Variants in RBFOX1 observed in about 807,000 individuals in gnomAD.
RBFOX1 encodes the protein RNA binding fox-1 homolog 1.
RBFOX1 carries 8 observed loss-of-function variants against 57.7 expected under a neutral mutation model. The observed-to-expected ratio is 0.14, with a 90% CI of 0.08 to 0.25. The LOEUF is 0.25. Among genes scored for constraint, RBFOX1 ranks in the 10% least tolerant of loss-of-function variants. The pLI is 1.00. For missense variants in RBFOX1, 611 were observed against 548.5 expected (o/e 1.11, Z -1.14); for synonymous variants, 326 against 222.4 (o/e 1.47, Z -4.15).
intron 4 of RBFOX1, among the ~76,000 whole-genome samples, chr16:5,884,532 A>G (rs2057849189): frequency 7.0e-6 from 1 of 143,172 alleles, no homozygotes; most frequent in Admixed American, 7.5e-5. Flanking sequence ...CTTGTAGTTG[A>G]TAAGACCATG....
At chr16:7,694,279 T>G (rs1179654355) in intron 14 of RBFOX1, among the ~76,000 whole-genome samples, 1 of 152,218 alleles carries the variant, frequency 6.6e-6, no homozygotes, top group Non-Finnish European at 1.5e-5. Context: ...TACATTAAAC[T>G]GAACCTTACA....
intron 3 of RBFOX1, among the ~76,000 whole-genome samples, chr16:5,789,099 C>T (rs772187951): frequency 2.0e-5 from 3 of 152,194 alleles, no homozygotes; most frequent in African/African-American, 7.2e-5. Context: ...CCCTCTTCCT[C>T]TCTCTCACAC....
At chr16:5,686,115 A>G (rs1433607553) in intron 3 of RBFOX1, among the ~76,000 whole-genome samples, 1 of 152,166 alleles carries the variant, frequency 6.6e-6, no homozygotes, top group Non-Finnish European at 1.5e-5. Context: ...GAAGATGGAG[A>G]CTGGTATCTA....
chr16:6,669,416 C>T (rs529743068), intron 3 of RBFOX1, among the ~76,000 whole-genome samples: 7 of 152,228 alleles, frequency 4.6e-5, no homozygotes, highest in African/African-American at 1.4e-4. Flanking sequence ...TTTACTGTGG[C>T]CATCTTAAAC....
intron 4 of RBFOX1, among the ~76,000 whole-genome samples, chr16:5,890,697 GAAAAAAAAA>G (rs71404558): frequency 7.2e-4 from 44 of 61,498 alleles, no homozygotes; most frequent in African/African-American, 2.4e-3. Flanking sequence ...AGTCTGTATT[GAAAAAAAAA>G]AAAAAAAAAA....
intron 2 of RBFOX1, among the ~76,000 whole-genome samples, chr16:6,365,229 TAGATGGATGGATAGAGGGAC>T (rs1305111070): frequency 2.0e-5 from 3 of 152,004 alleles, no homozygotes; most frequent in Non-Finnish European, 2.9e-5. Flanking sequence ...GATAGATGGG[TAGATGGATGGATAGAGGGAC>T]AGATGGATGG....
intron 3 of RBFOX1, among the ~76,000 whole-genome samples, chr16:6,831,586 A>C (rs1345472140): frequency 6.6e-6 from 1 of 152,220 alleles, no homozygotes; most frequent in African/African-American, 2.4e-5. Context: ...GAGTAACTCA[A>C]AAATATTTTC....
At chr16:6,065,929 G>A (rs2095755393) in intron 1 of RBFOX1, among the ~76,000 whole-genome samples, 1 of 152,164 alleles carries the variant, frequency 6.6e-6, no homozygotes, top group Non-Finnish European at 1.5e-5. Context: ...TCAACAGAAG[G>A]ATTCCTAGTC....
intron 4 of RBFOX1, among the ~76,000 whole-genome samples, chr16:7,425,887 G>T (rs914058063): frequency 6.6e-6 from 1 of 152,090 alleles, no homozygotes; most frequent in Non-Finnish European, 1.5e-5. Flanking sequence ...AGTGATAAAC[G>T]AAATGTATCA....
chr16:6,939,498 TTTTC>T (rs1479520335), intron 3 of RBFOX1, among the ~76,000 whole-genome samples: 15 of 95,086 alleles, frequency 1.6e-4, no homozygotes, highest in South Asian at 1.0e-3. Flanking sequence ...GTTTCAGAAT[TTTTC>T]TTTCTTTTTT....
At chr16:5,443,352 G>A (rs375301183) in intron 1 of RBFOX1, among the ~76,000 whole-genome samples, 2 of 152,184 alleles carry the variant, frequency 1.3e-5, no homozygotes, top group East Asian at 3.9e-4. Flanking sequence ...TTTTTTGTTT[G>A]TTTTAGATGG....
chr16:5,904,893 C>T lies in RBFOX1; in HGVS notation c.351+37558C>T, dbSNP rs369449038. On this transcript the variant is annotated intron_variant, in intron 4 of 19. Coordinates refer to the RBFOX1 transcript ENST00000641259. The stretch of plus-strand genomic sequence containing the variant: ...TCGGGAGGCTGAGGCAGGAGAATGG[C>T]GTGAACCCGGGAGGCGGAGCTTGCA... 1.4e-3 allele frequency among the ~76,000 whole-genome samples: 203 copies of T among 146,532 alleles called. 1 individual carries two copies. Among genetic ancestry groups the T allele is most frequent in the African/African-American group, 4.7e-3 (188 of 39,870 alleles).
intron 1 of RBFOX1, among the ~76,000 whole-genome samples, chr16:6,287,414 A>G (rs950114642): frequency 6.6e-6 from 1 of 152,106 alleles, no homozygotes; most frequent in African/African-American, 2.4e-5. Flanking sequence ...TGCCAATATG[A>G]TATTTATTAA....
chr16:6,611,447 G>A (rs1278014685), intron 2 of RBFOX1, among the ~76,000 whole-genome samples: 3 of 152,008 alleles, frequency 2.0e-5, no homozygotes, highest in South Asian at 2.1e-4. Flanking sequence ...GTGCCTGGCC[G>A]TCTTCATCTG....
At chr16:6,964,471 G>C (rs1297725370) in intron 3 of RBFOX1, among the ~76,000 whole-genome samples, 2 of 152,262 alleles carry the variant, frequency 1.3e-5, no homozygotes, top group African/African-American at 2.4e-5. Flanking sequence ...TGATGTGTCA[G>C]TGTATATGGT....
intron 1 of RBFOX1, among the ~76,000 whole-genome samples, chr16:6,280,836 A>G (rs1262936247): frequency 1.3e-5 from 2 of 151,902 alleles, no homozygotes; most frequent in African/African-American, 4.8e-5. Flanking sequence ...CACATACTAC[A>G]GAGAGTATGT....
At chr16:6,948,411 G>C (rs1161492855) in intron 3 of RBFOX1, among the ~76,000 whole-genome samples, 2 of 33,460 alleles carry the variant, frequency 6.0e-5, no homozygotes, top group African/African-American at 1.2e-4. Context: ...TTTTGAGGCT[G>C]AGTTTTACTC....
At chr16:6,661,205 C>T (rs1463641783) in intron 3 of RBFOX1, among the ~76,000 whole-genome samples, 2 of 152,138 alleles carry the variant, frequency 1.3e-5, no homozygotes, top group African/African-American at 4.8e-5. Flanking sequence ...AGCACACATG[C>T]AGAAAAGTTT....
At position 6,518,782 on chromosome 16, in the gene RBFOX1, T is replaced by TCTGC. The variant is rs2096437940; in HGVS notation, c.-63-135818_-63-135817insCCTG. Among the ~76,000 whole-genome samples, 5 of 77,194 alleles carry TCTGC rather than the reference T, an allele frequency of 6.5e-5. No individual in the cohort carries two copies. The South Asian group carries it at 2.2e-3, about 34-fold the overall frequency. 50.6% of individuals were successfully genotyped at this position (77,194 alleles called of 152,430 possible). A position where few individuals can be genotyped will look rare whatever the true frequency, so the allele number is the denominator to read the frequency against. ...ATCCATCTATCTATCCATCTGTCTG[T>TCTGC]CTGTCTGTGTGTCTGTCTATCTATC... On this transcript the variant is annotated intron_variant, in intron 2 of 15. Coordinates refer to ENST00000550418, the MANE Select transcript of RBFOX1 (RefSeq NM_018723.4).
Sources: gnomAD v4.1 joint callset for allele counts (sites outside exome capture counted in the v4.1 genomes callset) on GRCh38, gnomAD v4.1.1 for gene constraint, MANE v1.5 for transcripts, NCBI Gene and HGNC (gene_info 2026-07-23, HGNC 2026-07-21) for gene names.